Variants in ZEB1 observed in about 807,000 individuals in gnomAD.
ZEB1 encodes the protein zinc finger E-box-binding homeobox 1.
ZEB1 carries 21 observed loss-of-function variants against 84.9 expected under a neutral mutation model. The ratio of observed to expected loss-of-function variants is 0.25; its 90% confidence interval spans 0.18 to 0.36. ZEB1 has a LOEUF of 0.36. Among genes scored for constraint, ZEB1 ranks in the 10% least tolerant of loss-of-function variants. The pLI is 1.00. For synonymous variants in ZEB1, 420 were observed against 471.1 expected (o/e 0.89, Z 1.41); for missense variants, 1,104 against 1,330.2 (o/e 0.83, Z 2.65).
intron 4 of ZEB1, among the ~76,000 whole-genome samples, chr10:31,506,243 A>G (rs2068959311): frequency 6.6e-6 from 1 of 152,052 alleles, no homozygotes; most frequent in Non-Finnish European, 1.5e-5. Context: ...TGTATCCTTT[A>G]GTAGTTGGTT....
chr10:31,330,772 C>G (rs1000239922), intron 1 of ZEB1, among the ~76,000 whole-genome samples: 4 of 151,978 alleles, frequency 2.6e-5, no homozygotes, highest in African/African-American at 9.7e-5. Context: ...TTATTTCTTT[C>G]ATTTCTTAGA....
chr10:31,319,476 C>G, intron 1 of ZEB1, 184 bp downstream of exon 1: 5 of 623,808 alleles, frequency 8.0e-6, no homozygotes, highest in South Asian at 3.8e-5. Context: ...GGAGCCGCGC[C>G]GCGGCCGCTC....
In ZEB1 at chr10:31,524,041, T is replaced by A; in HGVS notation, c.2713T>A (p.Tyr905Asn). 6.2e-7 allele frequency: 1 copy of A among 1,614,028 alleles called. No homozygotes were observed. The highest frequency in any genetic ancestry group is 8.5e-7 in the Non-Finnish European group (1 of 1,179,938). ...AATGCGGAAGACAGAAAATGGAATG[T>A]ATGCTTGTGATTTGTGTGACAAGAT... ...KKMRKTENGMYACDLCDKIFQ... is the reference protein window; with the variant it reads ...KKMRKTENGMNACDLCDKIFQ... Residue 905 changes from tyrosine (Y) to asparagine (N), a missense_variant, in exon 8 of 9, where the codon TAT becomes AAT. By Grantham distance (143) the Tyr-to-Asn change is moderately radical. This residue lies in a region of ZEB1 where 531 missense variants were observed against 575.2 expected (regional missense o/e 0.92). Coordinates refer to ENST00000424869, the MANE Select transcript of ZEB1 (RefSeq NM_001174096.2).
intron 2 of ZEB1, among the ~76,000 whole-genome samples, chr10:31,488,702 T>G (rs1255296354): frequency 6.6e-6 from 1 of 151,164 alleles, no homozygotes; most frequent in Non-Finnish European, 1.5e-5. Context: ...TTAGGGACAC[T>G]CCACAGATTT....
chr10:31,488,285 A>T (rs959350792), intron 2 of ZEB1, among the ~76,000 whole-genome samples: 2 of 151,158 alleles, frequency 1.3e-5, no homozygotes, highest in Non-Finnish European at 1.5e-5. Context: ...TTCATCTTGG[A>T]TGTGTTTAGT....
intron 7 of ZEB1, among the ~76,000 whole-genome samples, 176 bp from the exon 8 acceptor site, chr10:31,523,757 G>GC (rs2072857150): frequency 6.6e-6 from 1 of 152,160 alleles, no homozygotes; most frequent in South Asian, 2.1e-4. Flanking sequence ...CTCCACCTGT[G>GC]ATCTGGCCCC....
chr10:31,499,345 G>A (rs1458948167), intron 3 of ZEB1, among the ~76,000 whole-genome samples: 1 of 152,006 alleles, frequency 6.6e-6, no homozygotes. Context: ...TCTTTTATCA[G>A]TATATTTTTC....
intron 4 of ZEB1, among the ~76,000 whole-genome samples, chr10:31,506,856 T>C (rs1187575446): frequency 1.3e-5 from 2 of 152,144 alleles, no homozygotes; most frequent in African/African-American, 4.8e-5. Context: ...ATTATTGTGG[T>C]TTGATAGTTT....
In ZEB1 at chr10:31,319,624, T is replaced by C. The variant is rs960729108; in HGVS notation, c.58+332T>C. On this transcript the variant is annotated intron_variant, in intron 1 of 8. Transcript: ENST00000424869. Reference sequence around the variant, plus strand: ...CGCAGGGCGGGCGGCCGGGACGCACTGGCCACTTTTCTGGTCCCGGGTGGA... The same window carrying C: ...CGCAGGGCGGGCGGCCGGGACGCACCGGCCACTTTTCTGGTCCCGGGTGGA... The C allele has an allele frequency of 2.8e-4, 92 of 329,364 alleles. 1 individual carries two copies. Among genetic ancestry groups the C allele is most frequent in the Middle Eastern group, 2.5e-3 (3 of 1,208 alleles). The allele number at this position is 329,364 out of a possible 1,614,324, so 20.4% of individuals were successfully genotyped here.
At chr10:31,503,397 A>G (rs1026786552) in intron 4 of ZEB1, among the ~76,000 whole-genome samples, 4 of 152,104 alleles carry the variant, frequency 2.6e-5, no homozygotes, top group African/African-American at 9.6e-5. Context: ...TATCAGCGAC[A>G]TTTGTTTACA....
At chr10:31,469,231 G>C (rs2137799214) in intron 2 of ZEB1, among the ~76,000 whole-genome samples, 1 of 152,306 alleles carries the variant, frequency 6.6e-6, no homozygotes, top group South Asian at 2.1e-4. Flanking sequence ...AATAGGAACA[G>C]CTCCGGTCTA....
At chr10:31,334,460 A>T (rs964969878) in intron 1 of ZEB1, among the ~76,000 whole-genome samples, 1 of 152,152 alleles carries the variant, frequency 6.6e-6, no homozygotes, top group East Asian at 1.9e-4. Flanking sequence ...ATGTATAGCT[A>T]AAATGGGAAT....
intron 2 of ZEB1, among the ~76,000 whole-genome samples, chr10:31,467,440 C>G (rs1229856557): frequency 1.3e-5 from 2 of 152,168 alleles, no homozygotes; most frequent in African/African-American, 4.8e-5. Flanking sequence ...CACCACCATT[C>G]CTGCAGGACT....
chr10:31,366,293 T>TAA (rs2044473948), intron 1 of ZEB1, among the ~76,000 whole-genome samples: 1 of 152,204 alleles, frequency 6.6e-6, no homozygotes. Flanking sequence ...TAATTTGTCC[T>TAA]CACTGCCAAT....
chr10:31,469,363 C>G (rs1404073349), intron 2 of ZEB1, among the ~76,000 whole-genome samples: 3 of 152,110 alleles, frequency 2.0e-5, no homozygotes, highest in Non-Finnish European at 4.4e-5. Flanking sequence ...GCGCACCATG[C>G]GTGAGCCGAA....
At chr10:31,486,318 A>G (rs2065759221) in intron 2 of ZEB1, among the ~76,000 whole-genome samples, 1 of 151,778 alleles carries the variant, frequency 6.6e-6, no homozygotes, top group Non-Finnish European at 1.5e-5. Context: ...ACTTTTCCAG[A>G]GTGGTTGTAC....
chr10:31,369,633 G>A (rs1158403998), intron 1 of ZEB1, among the ~76,000 whole-genome samples: 1 of 152,040 alleles, frequency 6.6e-6, no homozygotes, highest in Non-Finnish European at 1.5e-5. Flanking sequence ...CCGTATCCTG[G>A]CTATTGTAAA....
intron 1 of ZEB1, among the ~76,000 whole-genome samples, chr10:31,430,358 A>G (rs532536848): frequency 7.9e-5 from 12 of 152,294 alleles, no homozygotes; most frequent in African/African-American, 2.6e-4. Flanking sequence ...TCCTTAAAAA[A>G]TCTTATAAGT....
intron 8 of ZEB1, among the ~76,000 whole-genome samples, chr10:31,525,949 T>C (rs937470785): frequency 6.6e-6 from 1 of 152,252 alleles, no homozygotes; most frequent in African/African-American, 2.4e-5. Flanking sequence ...AAATCATTTC[T>C]GCATTTGTTA....
Sources: gnomAD v4.1 joint callset for allele counts (sites outside exome capture counted in the v4.1 genomes callset) on GRCh38, gnomAD v4.1.1 for gene constraint, gnomAD v4.1.1 regional missense constraint, MANE v1.5 for transcripts, NCBI Gene and HGNC (gene_info 2026-07-23, HGNC 2026-07-21) for gene names.